WDR89: variants seen among roughly 807,000 people sequenced by gnomAD.
WDR89 encodes the protein WD repeat domain 89, also known as WD repeat-containing protein 89.
Under a neutral mutation model 29.1 loss-of-function variants are expected in WDR89, and 17 were observed. The observed-to-expected ratio is 0.58, with a 90% confidence interval of 0.40 to 0.88. The LOEUF (loss-of-function observed/expected upper bound fraction) is 0.88, where lower values mean the gene tolerates loss of function less well. Ranked by LOEUF, WDR89 falls within the 40% of genes least tolerant of loss-of-function variation. The pLI, the probability that WDR89 is intolerant of heterozygous loss-of-function variation, is 0.00. For synonymous variants in WDR89, 138 were observed against 157.8 expected, an observed-to-expected ratio of 0.87 and a Z score of 0.94; for missense variants, 396 against 456.3, an observed-to-expected ratio of 0.87 and a Z score of 1.20.
At chr14:63,603,309 C>A (rs183834360) in intron 2 of WDR89, among the ~76,000 whole-genome samples, 5 of 152,062 alleles carry the variant, frequency 3.3e-5, no homozygotes, top group African/African-American at 1.2e-4. Flanking sequence ...AAAAATGAAC[C>A]TTTTGATGAG....
chr14:63,624,714 C>A (rs1158577301), intron 2 of WDR89, among the ~76,000 whole-genome samples: 3 of 151,808 alleles, frequency 2.0e-5, no homozygotes, highest in Non-Finnish European at 4.4e-5. Context: ...CACGAGGAGC[C>A]CAATAATATT....
chr14:63,636,600 G>A (rs1047312603), intron 1 of WDR89, among the ~76,000 whole-genome samples: 1 of 152,262 alleles, frequency 6.6e-6, no homozygotes, highest in East Asian at 1.9e-4. Context: ...AGAGAACCCA[G>A]AAATAAACCC....
intron 2 of WDR89, among the ~76,000 whole-genome samples, chr14:63,601,190 A>T (rs1895047952): frequency 6.6e-6 from 1 of 152,052 alleles, no homozygotes; most frequent in Admixed American, 6.6e-5. Flanking sequence ...TAATAAACTT[A>T]ATGTTATTTC....
intron 2 of WDR89, among the ~76,000 whole-genome samples, chr14:63,622,161 G>A (rs976504727): frequency 6.6e-6 from 1 of 152,208 alleles, no homozygotes; most frequent in Admixed American, 6.5e-5. Context: ...CCAGTCAGAT[G>A]CGGTGGCTCA....
intron 1 of WDR89, among the ~76,000 whole-genome samples, chr14:63,627,885 G>A (rs1277111111): frequency 1.3e-5 from 2 of 152,084 alleles, no homozygotes; most frequent in East Asian, 1.9e-4. Flanking sequence ...CCAGGAGGTC[G>A]AGTAGAGAAA....
chr14:63,622,732 A>C (rs1216934655), intron 2 of WDR89, among the ~76,000 whole-genome samples: 1 of 152,052 alleles, frequency 6.6e-6, no homozygotes, highest in Non-Finnish European at 1.5e-5. Flanking sequence ...AGCTCACAGC[A>C]CTCCACCCTG....
At chr14:63,631,043 G>A (rs1325551413) in intron 1 of WDR89, among the ~76,000 whole-genome samples, 1 of 152,136 alleles carries the variant, frequency 6.6e-6, no homozygotes, top group African/African-American at 2.4e-5. Flanking sequence ...GGGATTATAG[G>A]TGGGAACCAC....
At chr14:63,623,617 T>C (rs974814091) in intron 2 of WDR89, among the ~76,000 whole-genome samples, 1 of 139,800 alleles carries the variant, frequency 7.2e-6, no homozygotes, top group African/African-American at 2.7e-5. Flanking sequence ...GGCAGGAGAA[T>C]CTCTTGAACC....
intron 1 of WDR89, among the ~76,000 whole-genome samples, chr14:63,625,964 C>G (rs1005411108): frequency 2.0e-5 from 3 of 151,852 alleles, no homozygotes; most frequent in Non-Finnish European, 4.4e-5. Context: ...AGCGATTCTC[C>G]TTCCTCAGCC....
chr14:63,610,812 T>C lies in WDR89; in HGVS notation c.-31-10839A>G, dbSNP rs150553810. 3.7e-3 allele frequency among the ~76,000 whole-genome samples: 562 copies of C among 151,360 alleles called. 3 individuals are homozygous for C. Among genetic ancestry groups the C allele is most frequent in the African/African-American group, 0.012 (515 of 41,286 alleles). ...CCACCTCCTGGTTCAATCAATTCTC[T>C]TGCCTTAGCCTCCTGAGTAGCTAAG... On this transcript the variant is annotated intron_variant, in intron 2 of 2. Coordinates refer to ENST00000620954, the MANE Select transcript of WDR89 (RefSeq NM_080666.4).
chr14:63,640,145 C>T (rs925734995), intron 1 of WDR89, among the ~76,000 whole-genome samples: 3 of 152,174 alleles, frequency 2.0e-5, no homozygotes, highest in African/African-American at 7.2e-5. Context: ...AGTCCATAGA[C>T]GTTTCAGAGG....
At chr14:63,606,979 GT>G (rs1895352239) in intron 2 of WDR89, among the ~76,000 whole-genome samples, 1 of 152,146 alleles carries the variant, frequency 6.6e-6, no homozygotes, top group African/African-American at 2.4e-5. Context: ...AAGTATTAAA[GT>G]ACTGCTGTCA....
chr14:63,597,616 A>T lies in WDR89; in HGVS notation c.*1163T>A, dbSNP rs948561355. 1.3e-5 allele frequency: 2 copies of T among 152,102 alleles called. No individual in the cohort carries two copies. Among genetic ancestry groups the T allele is most frequent in the African/African-American group, 2.4e-5 (1 of 41,408 alleles). The allele number at this position is 152,102 out of a possible 1,614,324, so 9.4% of individuals were successfully genotyped here. ...CTATTGTTTTAATAGTTTCACTTCC[A>T]ATTGTTTTATGAATGCGATTTCTCC... On this transcript the variant is annotated 3_prime_UTR_variant, in exon 3 of 3. Coordinates refer to ENST00000620954, the MANE Select transcript of WDR89 (RefSeq NM_080666.4).
intron 2 of WDR89, among the ~76,000 whole-genome samples, chr14:63,617,283 G>A (rs566498243): frequency 1.3e-5 from 2 of 152,108 alleles, no homozygotes; most frequent in Middle Eastern, 3.4e-3. Flanking sequence ...GTTTCACCAT[G>A]TTAGTCAGGC....
chr14:63,627,148 A>T (rs61984041), intron 1 of WDR89, among the ~76,000 whole-genome samples: 3,576 of 127,622 alleles, frequency 0.028, 49 homozygotes, highest in African/African-American at 0.045. Context: ...ACACACACAC[A>T]CACTCTCTCT....
At chr14:63,627,083 C>T (rs1011490458) in intron 1 of WDR89, among the ~76,000 whole-genome samples, 3 of 151,606 alleles carry the variant, frequency 2.0e-5, no homozygotes, top group Non-Finnish European at 2.9e-5. Context: ...ACTGTGTCAA[C>T]GCACTCTAGC....
rs978655776 is a variant in WDR89 at position 63,598,108 on chromosome 14, T to G, written c.*671A>C. 2 of 152,234 alleles carry G rather than the reference T, an allele frequency of 1.3e-5. No individual in the cohort carries two copies. The highest frequency in any genetic ancestry group is 4.8e-5 in the African/African-American group (2 of 41,472). The allele number at this position is 152,234 out of a possible 1,614,324, so 9.4% of individuals were successfully genotyped here. A position where few individuals can be genotyped will look rare whatever the true frequency, so the allele number is the denominator to read the frequency against. On this transcript the variant is annotated 3_prime_UTR_variant, in exon 3 of 3. Transcript: ENST00000620954. ...GCAATTTCTCCAAGTCGAGTCCTAT[T>G]ATAAATATTTTCATTTTTGTATTTC...
chr14:63,620,058 C>G (rs1423874029), intron 2 of WDR89, among the ~76,000 whole-genome samples: 1 of 149,928 alleles, frequency 6.7e-6, no homozygotes, highest in Non-Finnish European at 1.5e-5. Context: ...AAAGAGATAT[C>G]TGTACTCCCA....
intron 2 of WDR89, among the ~76,000 whole-genome samples, chr14:63,623,917 C>T (rs1019235351): frequency 6.6e-6 from 1 of 151,630 alleles, no homozygotes; most frequent in Non-Finnish European, 1.5e-5. Flanking sequence ...AAAAGATATA[C>T]CATGCAAATA....
Sources: gnomAD v4.1 joint callset for allele counts (sites outside exome capture counted in the v4.1 genomes callset) on GRCh38, gnomAD v4.1.1 for gene constraint, MANE v1.5 for transcripts, NCBI Gene and HGNC (gene_info 2026-07-23, HGNC 2026-07-21) for gene names.